REEP1: variants seen among roughly 807,000 people sequenced by gnomAD.
REEP1 encodes the protein receptor accessory protein 1.
In REEP1, 22 loss-of-function variants were observed where a neutral mutation model predicts 40.3. That is an observed-to-expected ratio of 0.55 (90% CI 0.39 to 0.78). The LOEUF (loss-of-function observed/expected upper bound fraction) is 0.78, where lower values mean the gene tolerates loss of function less well. Among genes scored for constraint, REEP1 ranks in the 30% least tolerant of loss-of-function variants. The probability of loss-of-function intolerance (pLI) is 0.00; values close to 1 mark genes in which losing one functional copy is unlikely to be tolerated. For missense variants in REEP1, 280 were observed against 361.1 expected (o/e 0.78, Z 1.82); for synonymous variants, 116 against 139.2 (o/e 0.83, Z 1.17).
At chr2:86,275,667 C>T (rs192582165) in intron 2 of REEP1, among the ~76,000 whole-genome samples, 1 of 152,322 alleles carries the variant, frequency 6.6e-6, no homozygotes, top group East Asian at 1.9e-4. Context: ...ACAATGAAGG[C>T]CACTGCCCAC....
At chr2:86,330,078 C>T (rs1298458537) in intron 1 of REEP1, among the ~76,000 whole-genome samples, 1 of 152,180 alleles carries the variant, frequency 6.6e-6, no homozygotes, top group Non-Finnish European at 1.5e-5. Flanking sequence ...AATTTCTCCT[C>T]AGACTTAAGA....
At chr2:86,292,094 C>G (rs1403109588) in intron 1 of REEP1, among the ~76,000 whole-genome samples, 2 of 152,198 alleles carry the variant, frequency 1.3e-5, no homozygotes, top group Non-Finnish European at 2.9e-5. Context: ...TGGGCTTTGA[C>G]TTCAGACCTG....
In REEP1 at chr2:86,277,861, C is replaced by T. The variant is rs77261519; in HGVS notation, c.105+4309G>A. On this transcript the variant is annotated intron_variant, in intron 2 of 8. Coordinates refer to ENST00000538924, the MANE Select transcript of REEP1 (RefSeq NM_001371279.1). ...TCAATGTCTTTGAGCTATTTTACAACTTTATAAGTTAAAACTGATTGCAAT... is the reference window on the plus strand; with the variant it reads ...TCAATGTCTTTGAGCTATTTTACAATTTTATAAGTTAAAACTGATTGCAAT... Among the ~76,000 whole-genome samples, 46 of 152,326 alleles carry T rather than the reference C, an allele frequency of 3.0e-4. No homozygotes were observed. In the East Asian group the frequency reaches 8.5e-3, roughly 28 times the overall value.
chr2:86,308,405 G>A (rs1386453660), intron 1 of REEP1, among the ~76,000 whole-genome samples: 5 of 152,144 alleles, frequency 3.3e-5, no homozygotes, highest in African/African-American at 9.7e-5. Flanking sequence ...AATTAGCTGG[G>A]CGTGGTAGTG....
chr2:86,217,325 C>G (rs1014006234), intron 8 of REEP1, among the ~76,000 whole-genome samples: 1 of 152,096 alleles, frequency 6.6e-6, no homozygotes, highest in Non-Finnish European at 1.5e-5. Flanking sequence ...GAGGCTGATG[C>G]CTCCCTCTTA....
intron 1 of REEP1, among the ~76,000 whole-genome samples, chr2:86,320,529 A>C (rs1410871284): frequency 6.6e-6 from 1 of 152,182 alleles, no homozygotes; most frequent in Non-Finnish European, 1.5e-5. Flanking sequence ...AAGAGATCTA[A>C]ATTGCCCCTG....
At chr2:86,322,889 TGG>T in intron 1 of REEP1, among the ~76,000 whole-genome samples, 1 of 152,238 alleles carries the variant, frequency 6.6e-6, no homozygotes, top group East Asian at 1.9e-4. Flanking sequence ...CACTTCAGCC[TGG>T]GCAACAGAGT....
chr2:86,316,385 A>C (rs1191026534), intron 1 of REEP1, among the ~76,000 whole-genome samples: 3 of 151,458 alleles, frequency 2.0e-5, no homozygotes, highest in Non-Finnish European at 2.9e-5. Flanking sequence ...CTAAAAATAC[A>C]AAACAAAAAA....
intron 1 of REEP1, among the ~76,000 whole-genome samples, chr2:86,329,222 G>A (rs1481938225): frequency 6.6e-6 from 1 of 152,154 alleles, no homozygotes; most frequent in East Asian, 1.9e-4. Context: ...GTGGAGTTTG[G>A]GGTTTTTATG....
At chr2:86,236,806 G>A (rs563012386) in intron 5 of REEP1, among the ~76,000 whole-genome samples, 41 of 151,206 alleles carry the variant, frequency 2.7e-4, no homozygotes, top group African/African-American at 8.0e-4. Flanking sequence ...GTGCAATCTC[G>A]GCTCACTGCA....
rs986156150 is a variant in REEP1, at chr2:86,287,073, A to G, written c.33-4831T>C. ...TGCTTTATAATGACAAATATATATAAAACTGTACACATCTTATTTCATAAT... is the reference window on the plus strand; with the variant it reads ...TGCTTTATAATGACAAATATATATAGAACTGTACACATCTTATTTCATAAT... On this transcript the variant is annotated intron_variant, in intron 1 of 8. Transcript: ENST00000538924. 2.0e-5 allele frequency among the ~76,000 whole-genome samples: 3 copies of G among 152,266 alleles called. No individual in the cohort carries two copies. The East Asian group carries it at 5.8e-4, about 29-fold the overall frequency.
chr2:86,234,636 C>T (rs937877405), intron 5 of REEP1, among the ~76,000 whole-genome samples: 2 of 152,184 alleles, frequency 1.3e-5, no homozygotes, highest in African/African-American at 4.8e-5. Context: ...AAACCAACAA[C>T]AATAACACAA....
At chr2:86,291,512 G>T (rs1259434822) in intron 1 of REEP1, among the ~76,000 whole-genome samples, 1 of 152,098 alleles carries the variant, frequency 6.6e-6, no homozygotes, top group Non-Finnish European at 1.5e-5. Context: ...CCTCTCTGCA[G>T]ATTTGAGAGA....
chr2:86,285,823 A>G (rs79260808), intron 1 of REEP1, among the ~76,000 whole-genome samples: 2,968 of 152,266 alleles, frequency 0.019, 92 homozygotes, highest in African/African-American at 0.067. Flanking sequence ...CCCACTTGCT[A>G]GACTCACGTA....
At chr2:86,262,498 C>T (rs891102458) in intron 3 of REEP1, among the ~76,000 whole-genome samples, 3 of 152,218 alleles carry the variant, frequency 2.0e-5, no homozygotes, top group Non-Finnish European at 4.4e-5. Flanking sequence ...GCTGGGACAT[C>T]TACTTCTCTC....
chr2:86,328,946 C>T (rs1680635381), intron 1 of REEP1, among the ~76,000 whole-genome samples: 2 of 152,188 alleles, frequency 1.3e-5, no homozygotes, highest in African/African-American at 2.4e-5. Flanking sequence ...GTCAGGGTGA[C>T]AGTCTTTTAT....
intron 1 of REEP1, among the ~76,000 whole-genome samples, chr2:86,323,778 G>A (rs1168672712): frequency 1.3e-5 from 2 of 152,158 alleles, no homozygotes; most frequent in Non-Finnish European, 2.9e-5. Context: ...TAAAGTTCTG[G>A]TACTAACACA....
chr2:86,301,090 T>A (rs1317905014), intron 1 of REEP1, among the ~76,000 whole-genome samples: 1 of 152,204 alleles, frequency 6.6e-6, no homozygotes, highest in Non-Finnish European at 1.5e-5. Flanking sequence ...AAAAGTCACA[T>A]CACACCAACT....
At chr2:86,266,451 C>G (rs537265517) in intron 2 of REEP1, among the ~76,000 whole-genome samples, 2 of 149,664 alleles carry the variant, frequency 1.3e-5, no homozygotes, top group South Asian at 4.2e-4. Context: ...AACCCCGTCT[C>G]TACTAAAAAT....
Sources: gnomAD v4.1 joint callset for allele counts (sites outside exome capture counted in the v4.1 genomes callset) on GRCh38, gnomAD v4.1.1 for gene constraint, MANE v1.5 for transcripts, NCBI Gene and HGNC (gene_info 2026-07-23, HGNC 2026-07-21) for gene names.